Variants in SCFD2 observed in about 807,000 individuals in gnomAD.
The protein encoded by SCFD2 is sec1 family domain-containing protein 2.
SCFD2 carries 54 observed loss-of-function variants against 58.9 expected under a neutral mutation model. The ratio of observed to expected loss-of-function variants is 0.92; its 90% CI spans 0.74 to 1.15. The LOEUF is 1.15. Among genes scored for constraint, SCFD2 ranks in the 50% most tolerant of loss-of-function variants. SCFD2 has a pLI of 0.00. For synonymous variants in SCFD2, 321 were observed against 335.9 expected, an observed-to-expected ratio of 0.96 and a Z score of 0.49; for missense variants, 805 against 836.6, an observed-to-expected ratio of 0.96 and a Z score of 0.47.
intron 5 of SCFD2, among the ~76,000 whole-genome samples, chr4:53,025,108 G>A (rs1722441477): frequency 6.6e-6 from 1 of 152,150 alleles, no homozygotes; most frequent in South Asian, 2.1e-4. Flanking sequence ...AAAAAGGAAT[G>A]GAATGAACAG....
intron 3 of SCFD2, among the ~76,000 whole-genome samples, chr4:53,289,313 C>A (rs1731766584): frequency 1.3e-5 from 2 of 152,118 alleles, no homozygotes; most frequent in Non-Finnish European, 1.5e-5. Context: ...CTGCAGTGAG[C>A]CAAGATGGCA....
At chr4:52,941,748 A>C (rs1393533520) in intron 5 of SCFD2, among the ~76,000 whole-genome samples, 1 of 152,256 alleles carries the variant, frequency 6.6e-6, no homozygotes, top group Non-Finnish European at 1.5e-5. Flanking sequence ...ATGTGGGCAC[A>C]AGTTACCCAC....
intron 4 of SCFD2, among the ~76,000 whole-genome samples, chr4:53,255,914 G>A (rs1284618777): frequency 9.2e-5 from 13 of 141,400 alleles, no homozygotes; most frequent in East Asian, 2.0e-4. Context: ...CAGTAGGGGC[G>A]GCCGGGCAGA....
chr4:53,052,891 G>A (rs886460221), intron 5 of SCFD2, among the ~76,000 whole-genome samples: 1 of 152,132 alleles, frequency 6.6e-6, no homozygotes, highest in East Asian at 1.9e-4. Flanking sequence ...ACACAAAAGA[G>A]CACACGCTGT....
chr4:52,993,424 T>A (rs1721668667), intron 5 of SCFD2, among the ~76,000 whole-genome samples: 1 of 152,142 alleles, frequency 6.6e-6, no homozygotes, highest in African/African-American at 2.4e-5. Context: ...AAAAAAAGTA[T>A]GTTTTTTAAT....
intron 5 of SCFD2, among the ~76,000 whole-genome samples, chr4:53,133,472 T>C (rs1725852950): frequency 6.6e-6 from 1 of 152,086 alleles, no homozygotes. Context: ...TCAAACATAA[T>C]AAACAAAACG....
chr4:53,350,566 T>G (rs1734186235), intron 2 of SCFD2, among the ~76,000 whole-genome samples: 1 of 152,238 alleles, frequency 6.6e-6, no homozygotes, highest in Admixed American at 6.5e-5. Context: ...ATAATCACTA[T>G]GTTGAAAACA....
At chr4:53,141,100 T>C (rs1726150696) in intron 5 of SCFD2, among the ~76,000 whole-genome samples, 1 of 152,172 alleles carries the variant, frequency 6.6e-6, no homozygotes, top group African/African-American at 2.4e-5. Flanking sequence ...AAAAATTTTT[T>C]AATCTTTAAA....
chr4:53,267,822 G>A (rs1477788552), intron 4 of SCFD2, among the ~76,000 whole-genome samples: 1 of 152,108 alleles, frequency 6.6e-6, no homozygotes, highest in African/African-American at 2.4e-5. Flanking sequence ...AATAGTCTAA[G>A]AGTCTAATAT....
intron 4 of SCFD2, among the ~76,000 whole-genome samples, chr4:53,192,574 T>G (rs1397818099): frequency 2.0e-5 from 3 of 152,164 alleles, no homozygotes; most frequent in Non-Finnish European, 2.9e-5. Flanking sequence ...CATGAACTAT[T>G]CAATAAATGG....
chr4:53,237,418 C>T (rs1439581986), intron 4 of SCFD2, among the ~76,000 whole-genome samples: 1 of 148,850 alleles, frequency 6.7e-6, no homozygotes, highest in African/African-American at 2.5e-5. Flanking sequence ...AGGGGGCGGC[C>T]GGGCAGAGGC....
chr4:53,265,517 A>ATCTT (rs1730957784), intron 4 of SCFD2: 2 of 152,144 alleles, frequency 1.3e-5, no homozygotes, highest in South Asian at 4.1e-4. Flanking sequence ...GGCCATGCTA[A>ATCTT]TCTTTTCTGT....
chr4:52,981,621 T>G (rs935732337), intron 5 of SCFD2, among the ~76,000 whole-genome samples: 1 of 151,746 alleles, frequency 6.6e-6, no homozygotes, highest in Admixed American at 6.6e-5. Flanking sequence ...GAGGAGAAAA[T>G]CAAGGCCCAG....
intron 2 of SCFD2, among the ~76,000 whole-genome samples, chr4:53,321,510 C>T (rs1225530175): frequency 2.0e-5 from 3 of 152,012 alleles, no homozygotes; most frequent in Non-Finnish European, 2.9e-5. Flanking sequence ...GGAAGTTAAG[C>T]TTAATCACAG....
chr4:53,319,585 T>A (rs146667558), intron 2 of SCFD2, among the ~76,000 whole-genome samples: 1 of 151,780 alleles, frequency 6.6e-6, no homozygotes, highest in Admixed American at 6.6e-5. Context: ...CAGGCTCAAG[T>A]GCAGTGGCAT....
intron 4 of SCFD2, among the ~76,000 whole-genome samples, chr4:53,260,447 G>T (rs1730796491): frequency 6.6e-6 from 1 of 152,078 alleles, no homozygotes; most frequent in African/African-American, 2.4e-5. Context: ...AGGGATGCTG[G>T]ATTTTGTCCA....
chr4:53,015,121 G>A (rs1722180880), intron 5 of SCFD2, among the ~76,000 whole-genome samples: 1 of 152,174 alleles, frequency 6.6e-6, no homozygotes, highest in South Asian at 2.1e-4. Flanking sequence ...GTATTACAGG[G>A]TCTGCTATTT....
At chr4:53,138,694 TAA>T (rs1343582012) in intron 5 of SCFD2, among the ~76,000 whole-genome samples, 3 of 152,008 alleles carry the variant, frequency 2.0e-5, no homozygotes, top group Non-Finnish European at 2.9e-5. Flanking sequence ...AGAATAAAAG[TAA>T]AAGAGTATGC....
intron 6 of SCFD2, among the ~76,000 whole-genome samples, chr4:52,909,491 A>G (rs1445037501): frequency 2.6e-5 from 4 of 152,226 alleles, no homozygotes; most frequent in Non-Finnish European, 5.9e-5. Flanking sequence ...GGAAGTTTAA[A>G]TTGCTGAAAT....
Sources: allele counts gnomAD v4.1 joint callset (sites outside exome capture counted in the v4.1 genomes callset), GRCh38; gene constraint gnomAD v4.1.1; transcripts MANE v1.5; gene names NCBI Gene and HGNC (gene_info 2026-07-23, HGNC 2026-07-21).